STAC: variants seen among roughly 807,000 people sequenced by gnomAD.
STAC encodes SH3 and cysteine-rich domain-containing protein.
A neutral mutation model predicts 48.8 loss-of-function variants in STAC; 43 were observed. The observed-to-expected ratio is 0.88, with a 90% CI of 0.69 to 1.14. STAC has a LOEUF of 1.14. Among genes scored for constraint, STAC ranks in the 50% most tolerant of loss-of-function variants. STAC has a pLI of 0.00. For missense variants in STAC, 497 were observed against 504.0 expected (o/e 0.99, Z 0.13); for synonymous variants, 193 against 179.5 (o/e 1.07, Z -0.60).
At chr3:36,445,032 T>C (rs1214795066) in intron 2 of STAC, among the ~76,000 whole-genome samples, 1 of 152,200 alleles carries the variant, frequency 6.6e-6, no homozygotes, top group Non-Finnish European at 1.5e-5. Context: ...CCAGGCCTTT[T>C]CAAGGCAGTG....
At chr3:36,415,125 C>A (rs747970232) in intron 1 of STAC, among the ~76,000 whole-genome samples, 1 of 152,198 alleles carries the variant, frequency 6.6e-6, no homozygotes, top group Non-Finnish European at 1.5e-5. Flanking sequence ...CAGGGACCCA[C>A]TTGAGGAGGC....
intron 1 of STAC, among the ~76,000 whole-genome samples, chr3:36,396,737 A>T (rs1354111916): frequency 6.6e-6 from 1 of 152,240 alleles, no homozygotes; most frequent in Non-Finnish European, 1.5e-5. Flanking sequence ...AATGCTTTGT[A>T]AATTTCAAAG....
chr3:36,455,377 A>T (rs1696824519), intron 2 of STAC, among the ~76,000 whole-genome samples: 2 of 152,220 alleles, frequency 1.3e-5, no homozygotes, highest in African/African-American at 4.8e-5. Context: ...AGTTTTCTTT[A>T]CTTGAAGCTG....
chr3:36,441,999 CCTGT>C (rs1357896419), intron 1 of STAC, among the ~76,000 whole-genome samples: 13 of 152,080 alleles, frequency 8.5e-5, no homozygotes, highest in Admixed American at 3.9e-4. Flanking sequence ...ATATTAATCT[CCTGT>C]CTGATGCATA....
intron 1 of STAC, among the ~76,000 whole-genome samples, chr3:36,415,043 G>A (rs1221710689): frequency 1.3e-5 from 2 of 152,214 alleles, no homozygotes; most frequent in African/African-American, 4.8e-5. Flanking sequence ...TCATCTCACA[G>A]GGGTGCCCAG....
intron 8 of STAC, among the ~76,000 whole-genome samples, chr3:36,514,359 C>T (rs1698618368): frequency 6.6e-6 from 1 of 151,656 alleles, no homozygotes; most frequent in Non-Finnish European, 1.5e-5. Context: ...GCACACTCTT[C>T]CAGTTGACTC....
chr3:36,422,936 A>G lies in STAC; in HGVS notation c.112-20428A>G, dbSNP rs141118352. On this transcript the variant is annotated intron_variant, in intron 1 of 10. Coordinates refer to ENST00000273183, the MANE Select transcript of STAC (RefSeq NM_003149.3). The stretch of plus-strand genomic sequence containing the variant: ...GGGAAAGGATAAGCTGCTATAACAA[A>G]GAAACCAAATGAATGTTCACTGGCT... 4.9e-4 allele frequency among the ~76,000 whole-genome samples: 75 copies of G among 152,300 alleles called. 1 individual carries two copies. The highest frequency in any genetic ancestry group is 1.4e-3 in the African/African-American group (57 of 41,576).
chr3:36,507,247 G>A (rs1698426348), intron 8 of STAC, among the ~76,000 whole-genome samples: 1 of 152,178 alleles, frequency 6.6e-6, no homozygotes, highest in African/African-American at 2.4e-5. Context: ...TATTGAAACA[G>A]CCTTGCATCC....
intron 1 of STAC, among the ~76,000 whole-genome samples, chr3:36,442,295 G>T (rs953159436): frequency 6.6e-6 from 1 of 152,170 alleles, no homozygotes; most frequent in Non-Finnish European, 1.5e-5. Context: ...TTTTTCTGCA[G>T]CTCTGGGCCA....
chr3:36,478,311 C>T (rs1697546848), intron 2 of STAC, among the ~76,000 whole-genome samples: 1 of 152,160 alleles, frequency 6.6e-6, no homozygotes, highest in Non-Finnish European at 1.5e-5. Flanking sequence ...CTATTGTTAA[C>T]TTCTGATTCA....
chr3:36,448,913 A>G (rs1374385204), intron 2 of STAC, among the ~76,000 whole-genome samples: 1 of 88,246 alleles, frequency 1.1e-5, no homozygotes, highest in Non-Finnish European at 2.1e-5. Flanking sequence ...CCCCCCCCCC[A>G]CTCCCGACCC....
At chr3:36,531,001 C>G (rs13098641) in intron 10 of STAC, among the ~76,000 whole-genome samples, 9,481 of 152,094 alleles carry the variant, frequency 0.062, 369 homozygotes, top group Non-Finnish European at 0.085. Flanking sequence ...TGTAACTCAC[C>G]CTCCCTTTAA....
intron 2 of STAC, among the ~76,000 whole-genome samples, chr3:36,455,760 GGTGTGTGTGTGT>G (rs71085125): frequency 6.7e-6 from 1 of 149,168 alleles, no homozygotes; most frequent in East Asian, 2.0e-4. Context: ...GAAACAGGCA[GGTGTGTGTGTGT>G]GTGTGTGTGT....
At chr3:36,384,458 C>G (rs1413342789) in intron 1 of STAC, among the ~76,000 whole-genome samples, 1 of 152,092 alleles carries the variant, frequency 6.6e-6, no homozygotes, top group Non-Finnish European at 1.5e-5. Context: ...TGTAATACAC[C>G]TAATATGTTT....
intron 2 of STAC, among the ~76,000 whole-genome samples, chr3:36,479,300 C>T (rs73827535): frequency 0.031 from 4,701 of 151,962 alleles, 214 homozygotes; most frequent in African/African-American, 0.11. Context: ...TCTGAAATTT[C>T]ATCTTCTTCT....
At chr3:36,515,838 T>G (rs1698658129) in intron 8 of STAC, among the ~76,000 whole-genome samples, 2 of 152,022 alleles carry the variant, frequency 1.3e-5, no homozygotes, top group African/African-American at 4.8e-5. Flanking sequence ...ACAAGGAATT[T>G]CCTTGTGAGC....
chr3:36,530,484 C>A (rs1477532072), intron 10 of STAC, among the ~76,000 whole-genome samples: 1 of 151,142 alleles, frequency 6.6e-6, no homozygotes. Flanking sequence ...TTTTGTCCCA[C>A]TTAATCAACC....
At chr3:36,534,907 C>T (rs772601547) in intron 10 of STAC, among the ~76,000 whole-genome samples, 8 of 152,216 alleles carry the variant, frequency 5.3e-5, no homozygotes, top group Middle Eastern at 3.4e-3. Flanking sequence ...CTCAAGTGAT[C>T]CCCAGCCTCC....
intron 8 of STAC, 41 bp from the exon 9 acceptor site, chr3:36,528,654 CT>C (rs566697417): frequency 9.4e-5 from 137 of 1,461,828 alleles, no homozygotes; most frequent in Middle Eastern, 2.5e-4. Context: ...TGTTATTTTT[CT>C]TTTTTTTTCC....
Sources: gnomAD v4.1 joint callset for allele counts (sites outside exome capture counted in the v4.1 genomes callset) on GRCh38, gnomAD v4.1.1 for gene constraint, MANE v1.5 for transcripts, NCBI Gene and HGNC (gene_info 2026-07-23, HGNC 2026-07-21) for gene names.